Variants in PMEPA1 observed in about 807,000 individuals in gnomAD.
The protein encoded by PMEPA1 is protein TMEPAI.
Under a neutral mutation model 23.0 loss-of-function variants are expected in PMEPA1, and 11 were observed. The ratio of observed to expected loss-of-function variants is 0.48; its 90% CI spans 0.30 to 0.79. PMEPA1 has a LOEUF of 0.79. PMEPA1 is among the 30% of genes least tolerant of loss of function. The pLI, the probability that PMEPA1 is intolerant of heterozygous loss-of-function variation, is 0.06. For missense variants in PMEPA1, 377 were observed against 390.9 expected (o/e 0.96, Z 0.30); for synonymous variants, 204 against 166.4 (o/e 1.23, Z -1.74).
At chr20:57,659,769 T>A in intron 1 of PMEPA1, 72 bp from the exon 2 acceptor site, 1 of 1,458,760 alleles carries the variant, frequency 6.9e-7, no homozygotes, top group Non-Finnish European at 9.3e-7. Context: ...TCAGCCCTTT[T>A]GAGCTTTTTC....
rs781311565 is a variant in PMEPA1, at chr20:57,659,586, C to G, written c.221G>C (p.Ser74Thr). ...HYKLSARSFI[S>T]RHSQGRRRED... ...TCTCCTCCGCCCCTGGCTGTGCCGGCTGATGAAGGACCGTGCAGACAGCTT... is the reference window on the plus strand; with the variant it reads ...TCTCCTCCGCCCCTGGCTGTGCCGGGTGATGAAGGACCGTGCAGACAGCTT... The change falls in exon 2 of 4, where the codon AGC becomes ACC. Residue 74 changes from serine to threonine, a missense_variant. Coordinates refer to ENST00000341744, the MANE Select transcript of PMEPA1 (RefSeq NM_020182.5). 3.1e-6 allele frequency: 5 copies of G among 1,613,790 alleles called. No individual in the cohort carries two copies. Among genetic ancestry groups the G allele is most frequent in the African/African-American group, 2.7e-5 (2 of 74,944 alleles).
intron 1 of PMEPA1, among the ~76,000 whole-genome samples, chr20:57,686,460 G>A (rs975243443): frequency 3.9e-5 from 6 of 152,026 alleles, no homozygotes; most frequent in South Asian, 2.1e-4. Context: ...AAGCCCAGAC[G>A]CTGGAACCAG....
intron 1 of PMEPA1, among the ~76,000 whole-genome samples, chr20:57,659,937 T>C (rs966021454): frequency 6.6e-6 from 1 of 152,004 alleles, no homozygotes; most frequent in African/African-American, 2.4e-5. Context: ...ACCTCAAAGG[T>C]GTCCTGGGAC....
rs990476481 is a variant in PMEPA1, at chr20:57,709,757, G to T, written c.-175C>A. 41 of 980,396 alleles carry T rather than the reference G, an allele frequency of 4.2e-5. No individual in the cohort carries two copies. In the African/African-American group the frequency reaches 5.8e-4, roughly 14 times the overall value. 60.7% of individuals were successfully genotyped at this position (980,396 alleles called of 1,614,324 possible). ...TTCCCGGGGCGCCGCGGGGCTCAGT[G>T]CGCGGGACCGCGCTCCGCTGCGCCC... On this transcript the variant is annotated 5_prime_UTR_variant, in exon 1 of 4. Transcript: ENST00000341744.
chr20:57,669,450 C>T (rs1016904867), intron 1 of PMEPA1, among the ~76,000 whole-genome samples: 5 of 152,180 alleles, frequency 3.3e-5, no homozygotes, highest in South Asian at 2.1e-4. Flanking sequence ...CGTGAGCCAC[C>T]GCACCCAACT....
At chr20:57,710,638 G>A (rs1009592127), upstream of PMEPA1, 1 of 589,760 alleles carries the variant, frequency 1.7e-6, no homozygotes, top group East Asian at 3.3e-5. Flanking sequence ...GGGGACTGGT[G>A]TATTGTCGCC....
intron 1 of PMEPA1, chr20:57,690,274 C>T: frequency 3.9e-6 from 2 of 508,034 alleles, no homozygotes; most frequent in South Asian, 3.1e-5. Flanking sequence ...CGGCTTGGGG[C>T]ACAGACCACC....
intron 1 of PMEPA1, among the ~76,000 whole-genome samples, chr20:57,685,762 A>G (rs2071793178): frequency 6.6e-6 from 1 of 152,176 alleles, no homozygotes; most frequent in African/African-American, 2.4e-5. Context: ...TCTAACACCT[A>G]GTAGCAGCAA....
intron 2 of PMEPA1, among the ~76,000 whole-genome samples, chr20:57,653,680 C>T (rs774844558): frequency 6.6e-6 from 1 of 152,318 alleles, no homozygotes; most frequent in South Asian, 2.1e-4. Context: ...GCCATGCTGA[C>T]CAGCCCCCTG....
intron 1 of PMEPA1, among the ~76,000 whole-genome samples, chr20:57,695,192 C>T (rs2071929728): frequency 6.6e-6 from 1 of 152,268 alleles, no homozygotes; most frequent in Non-Finnish European, 1.5e-5. Flanking sequence ...CATCCTCATT[C>T]CCTGCAAAGG....
Position 57,652,023 on chromosome 20 carries a change from C to A in PMEPA1, c.*30G>T. 6.9e-7 allele frequency: 1 copy of A among 1,449,496 alleles called. No individual in the cohort carries two copies. The highest frequency in any genetic ancestry group is 9.1e-7 in the Non-Finnish European group (1 of 1,095,704). 89.8% of individuals were successfully genotyped at this position (1,449,496 alleles called of 1,614,324 possible). ...GCGGAGTGTTCTGCCTTTTCACCTA[C>A]GCAGCCCCAGCCCGGCCCCCCTGGG... On this transcript the variant is annotated 3_prime_UTR_variant, in exon 4 of 4. Transcript: ENST00000341744. This position sits in a 1 kb window ranked among gnomAD's most constrained non-coding sequence, Gnocchi z 6.1.
chr20:57,709,749 G>A lies in PMEPA1; in HGVS notation c.-167C>T, dbSNP rs1320237902. The stretch of plus-strand genomic sequence containing the variant: ...CCGCCAAGTTCCCGGGGCGCCGCGG[G>A]GCTCAGTGCGCGGGACCGCGCTCCG... On this transcript the variant is annotated 5_prime_UTR_variant, in exon 1 of 4. Transcript: ENST00000341744. 2.5e-4 allele frequency: 243 copies of A among 980,180 alleles called. No homozygotes were observed. In the African/African-American group the frequency reaches 4.1e-3, roughly 16 times the overall value. 60.7% of individuals were successfully genotyped at this position (980,180 alleles called of 1,614,324 possible). A position where few individuals can be genotyped will look rare whatever the true frequency, so the allele number is the denominator to read the frequency against.
intron 1 of PMEPA1, among the ~76,000 whole-genome samples, chr20:57,670,850 C>T (rs973315480): frequency 6.6e-6 from 1 of 152,162 alleles, no homozygotes; most frequent in Non-Finnish European, 1.5e-5. Flanking sequence ...GAACCCCATT[C>T]ATTTCCGAAG....
At chr20:57,674,069 A>C (rs1009932919) in intron 1 of PMEPA1, among the ~76,000 whole-genome samples, 5 of 152,224 alleles carry the variant, frequency 3.3e-5, no homozygotes, top group Non-Finnish European at 5.9e-5. Flanking sequence ...TGTTTGGAGC[A>C]GAAAGCAAAG....
chr20:57,691,651 G>T (rs924251019), intron 1 of PMEPA1, among the ~76,000 whole-genome samples: 1 of 152,098 alleles, frequency 6.6e-6, no homozygotes, highest in African/African-American at 2.4e-5. Context: ...GGTTACACAG[G>T]TTGCAGCAGA....
intron 1 of PMEPA1, chr20:57,699,951 T>C (rs977933757): frequency 3.1e-5 from 14 of 454,180 alleles, no homozygotes; most frequent in African/African-American, 2.6e-4. Context: ...ACATATATCA[T>C]ACATAAAATA....
intron 1 of PMEPA1, among the ~76,000 whole-genome samples, chr20:57,685,134 C>G (rs2071783681): frequency 1.3e-5 from 2 of 151,798 alleles, no homozygotes; most frequent in African/African-American, 4.8e-5. Flanking sequence ...GAACGTGCAT[C>G]TGCAGAACGT....
At chr20:57,695,422 C>T (rs552295142) in intron 1 of PMEPA1, among the ~76,000 whole-genome samples, 7 of 152,360 alleles carry the variant, frequency 4.6e-5, no homozygotes, top group African/African-American at 1.4e-4. Context: ...ATGTTTTCCC[C>T]GCTGAAGCAC....
chr20:57,684,522 T>C (rs895641862), intron 1 of PMEPA1, among the ~76,000 whole-genome samples: 8 of 152,146 alleles, frequency 5.3e-5, no homozygotes, highest in African/African-American at 1.9e-4. Context: ...ACTTTCTGGT[T>C]GCTGGCAGGA....
Sources: gnomAD v4.1 joint callset for allele counts (sites outside exome capture counted in the v4.1 genomes callset) on GRCh38, gnomAD v4.1.1 for gene constraint, Gnocchi (gnomAD v3.1) non-coding constraint, MANE v1.5 for transcripts, NCBI Gene and HGNC (gene_info 2026-07-23, HGNC 2026-07-21) for gene names.